Variants in ZFHX3 observed in about 807,000 individuals in gnomAD.
The protein encoded by ZFHX3 is zinc finger homeobox 3.
In ZFHX3, 42 loss-of-function variants were observed where a neutral mutation model predicts 279.1. The ratio of observed to expected loss-of-function variants is 0.15; its 90% CI spans 0.12 to 0.19. The LOEUF (loss-of-function observed/expected upper bound fraction) is 0.19, where lower values mean the gene tolerates loss of function less well. Ranked by LOEUF, ZFHX3 falls within the 10% of genes least tolerant of loss-of-function variation. ZFHX3 has a pLI of 1.00. For synonymous variants in ZFHX3, 2,293 were observed against 1,957.8 expected, an observed-to-expected ratio of 1.17 and a Z score of -4.52; for missense variants, 4,981 against 4,754.0, an observed-to-expected ratio of 1.05 and a Z score of -1.40.
At chr16:73,512,199 G>A (rs577003990) in intron 2 of ZFHX3, among the ~76,000 whole-genome samples, 24 of 149,746 alleles carry the variant, frequency 1.6e-4, no homozygotes, top group Non-Finnish European at 3.1e-4. Context: ...GGGGACCAAG[G>A]TGGGTGGATC....
intron 3 of ZFHX3, among the ~76,000 whole-genome samples, chr16:73,356,419 C>G (rs957141982): frequency 1.3e-5 from 2 of 152,022 alleles, no homozygotes; most frequent in Admixed American, 6.6e-5. Context: ...TAGAGCAAGA[C>G]GGTGATGTTG....
chr16:73,768,236 C>A (rs1035637919), intron 1 of ZFHX3, among the ~76,000 whole-genome samples: 3 of 152,080 alleles, frequency 2.0e-5, no homozygotes, highest in Non-Finnish European at 4.4e-5. Context: ...TCCCATTTGT[C>A]AAATCCAGCT....
chr16:73,573,378 TAG>T (rs1478028750), intron 2 of ZFHX3, among the ~76,000 whole-genome samples: 4 of 152,092 alleles, frequency 2.6e-5, no homozygotes, highest in Non-Finnish European at 1.5e-5. Context: ...TGTTCTGGGT[TAG>T]AGTATGCAGG....
At chr16:72,937,846 A>C (rs966764193) in intron 3 of ZFHX3, among the ~76,000 whole-genome samples, 20 of 152,256 alleles carry the variant, frequency 1.3e-4, no homozygotes, top group African/African-American at 4.3e-4. Context: ...GTTTTCCAAC[A>C]ATCACTGGTG....
chr16:73,284,822 C>CT (rs1017904801), intron 4 of ZFHX3, among the ~76,000 whole-genome samples: 4 of 151,982 alleles, frequency 2.6e-5, no homozygotes, highest in African/African-American at 9.7e-5. Context: ...GGCATATATT[C>CT]TTTTTTTTCC....
At chr16:73,627,398 T>C (rs4888533) in intron 2 of ZFHX3, among the ~76,000 whole-genome samples, 116,666 of 152,162 alleles carry the variant, frequency 0.77, 47,478 homozygotes, top group East Asian at 0.99. Flanking sequence ...TGGAAGTGAA[T>C]ATCCTAAACT....
At chr16:72,933,885 C>T (rs1021446777) in intron 3 of ZFHX3, among the ~76,000 whole-genome samples, 2 of 142,960 alleles carry the variant, frequency 1.4e-5, no homozygotes, top group Non-Finnish European at 3.0e-5. Context: ...GTGTCGCGAT[C>T]TCGGCTCACT....
intron 8 of ZFHX3, chr16:73,083,271 A>T (rs1965971735): frequency 1.3e-5 from 2 of 152,236 alleles, no homozygotes; most frequent in African/African-American, 4.8e-5. Flanking sequence ...CATAACATGC[A>T]GATAAAACCT....
intron 6 of ZFHX3, among the ~76,000 whole-genome samples, chr16:73,134,112 G>C (rs1966744795): frequency 6.6e-6 from 1 of 152,080 alleles, no homozygotes; most frequent in Non-Finnish European, 1.5e-5. Flanking sequence ...AGGAAGCTGA[G>C]GCACAAAAGG....
intron 1 of ZFHX3, among the ~76,000 whole-genome samples, chr16:72,999,774 A>G (rs1406164653): frequency 6.6e-6 from 1 of 152,144 alleles, no homozygotes; most frequent in Non-Finnish European, 1.5e-5. Context: ...CAACTCTTGA[A>G]TCAGTCAATT....
At chr16:73,111,466 T>C (rs984668526) in intron 7 of ZFHX3, among the ~76,000 whole-genome samples, 2 of 152,094 alleles carry the variant, frequency 1.3e-5, no homozygotes, top group Non-Finnish European at 2.9e-5. Context: ...TTGCTGTCTA[T>C]AGGAAATTGC....
intron 4 of ZFHX3, among the ~76,000 whole-genome samples, chr16:73,281,085 A>C (rs2014447740): frequency 6.6e-6 from 1 of 151,648 alleles, no homozygotes; most frequent in South Asian, 2.1e-4. Flanking sequence ...TTTCTCCAAA[A>C]AGTAAACATA....
In ZFHX3 at chr16:73,755,563, A is replaced by C. The variant is rs537030171; in HGVS notation, c.-1607-75323T>G. Among the ~76,000 whole-genome samples, 15 of 152,302 alleles carry C rather than the reference A, an allele frequency of 9.8e-5. No individual in the cohort carries two copies. The South Asian group carries it at 2.5e-3, about 25-fold the overall frequency. On this transcript the variant is annotated intron_variant, in intron 1 of 17. Coordinates refer to the ZFHX3 transcript ENST00000641206. ...CAAACCAAACAATTCAATTTTTTTT[A>C]AAATGCAGTATCCTTATAACAAGAT...
At chr16:73,447,632 C>G (rs2018210230) in intron 3 of ZFHX3, among the ~76,000 whole-genome samples, 1 of 152,134 alleles carries the variant, frequency 6.6e-6, no homozygotes, top group Admixed American at 6.5e-5. Context: ...CACAGCCCAT[C>G]AGAGCAACTC....
intron 1 of ZFHX3, among the ~76,000 whole-genome samples, chr16:73,031,928 A>G (rs1286710534): frequency 6.6e-6 from 1 of 152,180 alleles, no homozygotes; most frequent in East Asian, 1.9e-4. Flanking sequence ...CACATTCTAG[A>G]ACCTTATAAG....
chr16:73,074,460 C>A lies in ZFHX3; in HGVS notation c.-532-15448G>T, dbSNP rs78433374. ...ATTTGTATTCATGTTACGGATGACC[C>A]GCTTGCTTCCCCAAGGATAGGCACC... On this transcript the variant is annotated intron_variant, in intron 8 of 17. Coordinates refer to the ZFHX3 transcript ENST00000641206. Among the ~76,000 whole-genome samples the A allele has an allele frequency of 6.8e-3, 1,034 of 152,264 alleles. 8 individuals are homozygous for A. Among genetic ancestry groups the A allele is most frequent in the Non-Finnish European group, 8.8e-3 (599 of 68,026 alleles).
chr16:73,024,619 A>T (rs1381465245), intron 1 of ZFHX3, among the ~76,000 whole-genome samples: 1 of 152,226 alleles, frequency 6.6e-6, no homozygotes, highest in Admixed American at 6.5e-5. Flanking sequence ...AGCCAGATCC[A>T]ATGGCAGCCT....
At chr16:72,863,186 T>C (rs2037926191) in intron 4 of ZFHX3, among the ~76,000 whole-genome samples, 1 of 151,846 alleles carries the variant, frequency 6.6e-6, no homozygotes, top group Non-Finnish European at 1.5e-5. Context: ...AGGGGTCTGA[T>C]ATTGCAGTCT....
At chr16:72,868,525 T>C (rs971652184) in intron 4 of ZFHX3, among the ~76,000 whole-genome samples, 1 of 152,190 alleles carries the variant, frequency 6.6e-6, no homozygotes, top group African/African-American at 2.4e-5. Flanking sequence ...CAAGGAGAGA[T>C]CAGGTGACTT....
Sources: allele counts gnomAD v4.1 joint callset (sites outside exome capture counted in the v4.1 genomes callset), GRCh38; gene constraint gnomAD v4.1.1; transcripts MANE v1.5; gene names NCBI Gene and HGNC (gene_info 2026-07-23, HGNC 2026-07-21).